Variants in KPNA1 observed in about 807,000 individuals in gnomAD.
The protein encoded by KPNA1 is karyopherin subunit alpha 1, also known as importin subunit alpha-5.
A neutral mutation model predicts 70.5 loss-of-function variants in KPNA1; 10 were observed. That is an observed-to-expected ratio of 0.14 (90% confidence interval 0.09 to 0.24). The LOEUF (loss-of-function observed/expected upper bound fraction) is 0.24, where lower values mean the gene tolerates loss of function less well. Ranked by LOEUF, KPNA1 falls within the 10% of genes least tolerant of loss-of-function variation. The pLI is 1.00. For missense variants in KPNA1, 397 were observed against 637.9 expected (o/e 0.62, Z 4.07); for synonymous variants, 192 against 221.9 (o/e 0.87, Z 1.20).
At chr3:122,497,646 T>TG (rs1559756378) in intron 1 of KPNA1, among the ~76,000 whole-genome samples, 1 of 152,204 alleles carries the variant, frequency 6.6e-6, no homozygotes, top group East Asian at 1.9e-4. Context: ...ATTGTGGTTT[T>TG]GGTTTGCAAT....
At chr3:122,510,165 T>C (rs574843092) in intron 1 of KPNA1, among the ~76,000 whole-genome samples, 1 of 152,304 alleles carries the variant, frequency 6.6e-6, no homozygotes, top group East Asian at 1.9e-4. Context: ...TTTTTTTCAG[T>C]CATGTAAGAT....
chr3:122,426,661 C>G lies in KPNA1; in HGVS notation c.*324G>C. The G allele has an allele frequency of 4.6e-6, 1 of 216,342 alleles. No homozygotes were observed. The highest frequency in any genetic ancestry group is 9.1e-6 in the Non-Finnish European group (1 of 110,094). 13.4% of individuals were successfully genotyped at this position (216,342 alleles called of 1,614,324 possible). Reference sequence around the variant, plus strand: ...GAATGAGGAGGAGTCCTCTTTTATTCCCCCACAAGAAAAAGGGAGCCACAT... The same window carrying G: ...GAATGAGGAGGAGTCCTCTTTTATTGCCCCACAAGAAAAAGGGAGCCACAT... On this transcript the variant is annotated 3_prime_UTR_variant, in exon 14 of 14. Transcript: ENST00000344337.
intron 2 of KPNA1, among the ~76,000 whole-genome samples, chr3:122,490,548 T>C (rs887541600): frequency 1.9e-4 from 29 of 152,218 alleles, no homozygotes; most frequent in African/African-American, 6.3e-4. Context: ...CAATGGGAGC[T>C]AGGAGCTAGT....
chr3:122,497,744 C>T (rs1459408901), intron 1 of KPNA1, among the ~76,000 whole-genome samples: 2 of 152,080 alleles, frequency 1.3e-5, no homozygotes, highest in Non-Finnish European at 2.9e-5. Flanking sequence ...TATTCAAGTG[C>T]CTTAGCCCAT....
chr3:122,467,259 C>CA, intron 3 of KPNA1, 63 bp downstream of exon 3: 1 of 905,422 alleles, frequency 1.1e-6, no homozygotes, highest in African/African-American at 1.7e-5. Flanking sequence ...TTTTAAAACT[C>CA]AAAAGGAAAT....
At chr3:122,470,882 T>C (rs2076434771) in intron 2 of KPNA1, among the ~76,000 whole-genome samples, 1 of 151,456 alleles carries the variant, frequency 6.6e-6, no homozygotes, top group African/African-American at 2.4e-5. Context: ...CAGTAACAAA[T>C]ATGGTAAATA....
chr3:122,507,518 T>C (rs2076904078), intron 1 of KPNA1, among the ~76,000 whole-genome samples: 1 of 152,042 alleles, frequency 6.6e-6, no homozygotes, highest in Non-Finnish European at 1.5e-5. Flanking sequence ...CTTCCAAATT[T>C]TCTGTGATAA....
At chr3:122,447,029 T>C (rs2076147677) in intron 9 of KPNA1, among the ~76,000 whole-genome samples, 1 of 152,152 alleles carries the variant, frequency 6.6e-6, no homozygotes, top group South Asian at 2.1e-4. Context: ...CAGTAATTAA[T>C]AGCCTACCAA....
At chr3:122,461,007 T>C (rs950977974) in intron 5 of KPNA1, among the ~76,000 whole-genome samples, 3 of 152,078 alleles carry the variant, frequency 2.0e-5, no homozygotes, top group African/African-American at 7.2e-5. Flanking sequence ...ATCATAAACA[T>C]TTTAAATGAT....
At chr3:122,480,134 AAAGATTAG>A (rs1431451608) in intron 2 of KPNA1, among the ~76,000 whole-genome samples, 3 of 152,192 alleles carry the variant, frequency 2.0e-5, no homozygotes, top group African/African-American at 7.2e-5. Flanking sequence ...GAGACAGTAA[AAAGATTAG>A]TAGTTGTTGT....
chr3:122,511,353 A>G (rs1359266391), intron 1 of KPNA1, among the ~76,000 whole-genome samples: 1 of 152,200 alleles, frequency 6.6e-6, no homozygotes, highest in Non-Finnish European at 1.5e-5. Flanking sequence ...TTTGTATATG[A>G]AGGGCAGCAT....
chr3:122,510,983 CTT>C (rs2107513489), intron 1 of KPNA1, among the ~76,000 whole-genome samples: 1 of 152,264 alleles, frequency 6.6e-6, no homozygotes, highest in African/African-American at 2.4e-5. Context: ...TAAAACCAAT[CTT>C]TAACGATCAA....
Position 122,467,353 on chromosome 3 carries a change from T to G in KPNA1, c.206A>C (p.Glu69Ala). The G allele has an allele frequency of 6.2e-7, 1 of 1,605,130 alleles. No homozygotes were observed. Among genetic ancestry groups the G allele is most frequent in the Non-Finnish European group, 8.5e-7 (1 of 1,172,800 alleles). Residue 69 changes from glutamate (E) to alanine (A), a missense_variant, in exon 3 of 14, where the codon GAG (glutamate) becomes GCG (alanine). Coordinates refer to ENST00000344337, the MANE Select transcript of KPNA1 (RefSeq NM_002264.4). ...EEVMSDGGFH[E>A]AQISNMEMAP... ...CATCTCCATGTTACTAATCTGAGCC[T>G]CATGAAAGCCTCCATCTGACATAAC...
At chr3:122,478,454 T>C (rs1383697460) in intron 2 of KPNA1, among the ~76,000 whole-genome samples, 1 of 151,932 alleles carries the variant, frequency 6.6e-6, no homozygotes, top group Non-Finnish European at 1.5e-5. Flanking sequence ...AAACCCCATC[T>C]CTATTAATAC....
chr3:122,498,730 A>G (rs1439466244), intron 1 of KPNA1, among the ~76,000 whole-genome samples: 2 of 152,166 alleles, frequency 1.3e-5, no homozygotes, highest in East Asian at 3.8e-4. Context: ...TGTTTTGGCT[A>G]TAATTGATCC....
intron 4 of KPNA1, among the ~76,000 whole-genome samples, chr3:122,463,406 A>C (rs898292032): frequency 6.6e-6 from 1 of 151,478 alleles, no homozygotes; most frequent in Non-Finnish European, 1.5e-5. Flanking sequence ...CTGTAATCCC[A>C]GCTACTCGGG....
At chr3:122,498,026 G>C (rs1261718747) in intron 1 of KPNA1, among the ~76,000 whole-genome samples, 2 of 152,154 alleles carry the variant, frequency 1.3e-5, no homozygotes, top group Non-Finnish European at 2.9e-5. Flanking sequence ...ATTTAAGTCT[G>C]TGATCCATTT....
intron 9 of KPNA1, 118 bp from the exon 10 acceptor site, chr3:122,442,234 C>A: frequency 1.4e-6 from 1 of 723,794 alleles, no homozygotes; most frequent in African/African-American, 1.8e-5. Flanking sequence ...GAAATGTACC[C>A]ATGGGGCTAA....
At chr3:122,468,053 G>A (rs1560038007) in intron 2 of KPNA1, among the ~76,000 whole-genome samples, 1 of 152,210 alleles carries the variant, frequency 6.6e-6, no homozygotes, top group East Asian at 1.9e-4. Context: ...ATCAAGCCAT[G>A]ATGGAGTAAC....
Sources: allele counts gnomAD v4.1 joint callset (sites outside exome capture counted in the v4.1 genomes callset), GRCh38; gene constraint gnomAD v4.1.1; transcripts MANE v1.5; gene names NCBI Gene and HGNC (gene_info 2026-07-23, HGNC 2026-07-21).